The following FRMPD4 variants were observed in gnomAD, a reference collection of about 807,000 sequenced individuals.
The protein encoded by FRMPD4 is FERM and PDZ domain containing 4.
Under a neutral mutation model 94.1 loss-of-function variants are expected in FRMPD4, and 22 were observed. The observed-to-expected ratio is 0.23, with a 90% CI of 0.17 to 0.33. FRMPD4 has a LOEUF of 0.33. FRMPD4 is among the 10% of genes least tolerant of loss of function. FRMPD4 has a pLI of 1.00. For missense variants in FRMPD4, 1,111 were observed against 1,339.9 expected (o/e 0.83, Z 2.67); for synonymous variants, 631 against 548.6 (o/e 1.15, Z -2.10).
chrX:11,843,999 T>C (rs972549519), intron 1 of FRMPD4, among the ~76,000 whole-genome samples: 28 of 91,777 alleles, frequency 3.1e-4, no homozygotes, highest in African/African-American at 1.8e-4. Flanking sequence ...TTTTTTTTTT[T>C]TGAGACAGTG....
intron 4 of FRMPD4, among the ~76,000 whole-genome samples, chrX:12,668,442 A>C (rs2059802033): frequency 9.0e-6 from 1 of 111,342 alleles, no homozygotes; most frequent in Admixed American, 9.6e-5. Context: ...GATAATTTAC[A>C]AAGCATTACT....
chrX:12,502,237 T>C (rs760877053), intron 2 of FRMPD4, among the ~76,000 whole-genome samples: 2 of 112,556 alleles, frequency 1.8e-5, no homozygotes, highest in Non-Finnish European at 3.8e-5. Flanking sequence ...TTTTTCTGGA[T>C]GGTAGAACTG....
intron 3 of FRMPD4, among the ~76,000 whole-genome samples, chrX:11,879,795 G>A (rs2053803816): frequency 8.9e-6 from 1 of 111,986 alleles, no homozygotes; most frequent in South Asian, 3.8e-4. Context: ...AATGGGCAGG[G>A]ATAATTATCA....
At chrX:12,208,317 A>AT (rs374782761) in intron 1 of FRMPD4, among the ~76,000 whole-genome samples, 1 of 111,255 alleles carries the variant, frequency 9.0e-6, no homozygotes, top group Admixed American at 9.6e-5. Context: ...GAAAAAAAAA[A>AT]GTCAATAGCT....
chrX:11,846,115 G>T (rs1435815441), intron 1 of FRMPD4, among the ~76,000 whole-genome samples: 2 of 109,380 alleles, frequency 1.8e-5, no homozygotes, highest in Non-Finnish European at 3.8e-5. Context: ...TGACATGATT[G>T]TATATCTAGA....
At chrX:11,874,425 C>T (rs191443444) in intron 2 of FRMPD4, among the ~76,000 whole-genome samples, 129 of 112,574 alleles carry the variant, frequency 1.1e-3, no homozygotes, top group Admixed American at 2.2e-3. Context: ...GCTGGGATTT[C>T]AGGCGTAAGC....
chrX:12,480,314 T>A (rs1771305551), intron 1 of FRMPD4, among the ~76,000 whole-genome samples: 1 of 39,634 alleles, frequency 2.5e-5, no homozygotes, highest in African/African-American at 1.2e-4. Flanking sequence ...AGGCAGACAC[T>A]ACAGAAATGA....
chrX:12,141,398 C>G (rs907358496), intron 1 of FRMPD4, among the ~76,000 whole-genome samples: 2 of 112,013 alleles, frequency 1.8e-5, no homozygotes, highest in Non-Finnish European at 3.8e-5. Context: ...AGTGTCCTAT[C>G]TGTGAGTAAA....
At chrX:11,920,459 C>T (rs1222356014) in intron 3 of FRMPD4, among the ~76,000 whole-genome samples, 1 of 111,684 alleles carries the variant, frequency 9.0e-6, no homozygotes, top group East Asian at 2.8e-4. Flanking sequence ...GGTCATTAGT[C>T]CTGTAAGATG....
intron 1 of FRMPD4, among the ~76,000 whole-genome samples, chrX:12,282,515 A>T (rs1380947401): frequency 8.9e-6 from 1 of 112,222 alleles, no homozygotes; most frequent in African/African-American, 3.2e-5. Context: ...GGCCCACAGA[A>T]GGTATCCTGT....
intron 3 of FRMPD4, among the ~76,000 whole-genome samples, chrX:11,883,126 A>G (rs2053823314): frequency 8.9e-6 from 1 of 112,194 alleles, no homozygotes; most frequent in African/African-American, 3.2e-5. Flanking sequence ...TTAGGGGCCA[A>G]ATGAGCTGAG....
At chrX:12,313,708 T>C (rs2055070182) in intron 1 of FRMPD4, among the ~76,000 whole-genome samples, 1 of 111,961 alleles carries the variant, frequency 8.9e-6, no homozygotes, top group African/African-American at 3.2e-5. Flanking sequence ...TTTTCCCCAT[T>C]TCATTCATTT....
intron 1 of FRMPD4, among the ~76,000 whole-genome samples, chrX:12,296,079 G>GC (rs1383709074): frequency 9.1e-6 from 1 of 110,313 alleles, no homozygotes; most frequent in African/African-American, 3.3e-5. Flanking sequence ...CCTGTAGTGT[G>GC]CCCCCGCTTC....
At chrX:12,543,945 A>G (rs2058445808) in intron 2 of FRMPD4, among the ~76,000 whole-genome samples, 1 of 110,427 alleles carries the variant, frequency 9.1e-6, no homozygotes, top group African/African-American at 3.3e-5. Context: ...AGGGACATGG[A>G]TGAAGCTGGA....
At chrX:12,601,558 C>T (rs911062037) in intron 2 of FRMPD4, among the ~76,000 whole-genome samples, 4 of 111,732 alleles carry the variant, frequency 3.6e-5, no homozygotes, top group African/African-American at 1.3e-4. Flanking sequence ...ATCTTCGTTC[C>T]AACAAAGATG....
intron 5 of FRMPD4, among the ~76,000 whole-genome samples, chrX:12,679,788 G>T (rs1296208928): frequency 1.8e-5 from 2 of 111,953 alleles, no homozygotes; most frequent in Non-Finnish European, 3.8e-5. Context: ...GTTCCCAGCA[G>T]GAGTAAGCTC....
In FRMPD4 at chrX:11,845,985, T is replaced by C. The variant is rs1230115817; in HGVS notation, c.-160-19101T>C. Among the ~76,000 whole-genome samples the C allele has an allele frequency of 8.7e-5, 9 of 103,403 alleles. No homozygotes were observed. In the East Asian group the frequency reaches 2.8e-3, roughly 32 times the overall value. The allele number at this position is 103,403 out of a possible 115,157, so 89.8% of individuals were successfully genotyped here. A position where few individuals can be genotyped will look rare whatever the true frequency, so the allele number is the denominator to read the frequency against. On this transcript the variant is annotated intron_variant, in intron 1 of 18. Coordinates refer to the FRMPD4 transcript ENST00000640291. ...AAACTGGCACAAGACAGGGATGCCC[T>C]CTCTCACCACTCCTATTCAACATAG...
intron 1 of FRMPD4, among the ~76,000 whole-genome samples, chrX:12,460,649 T>C (rs764434270): frequency 8.9e-6 from 1 of 112,230 alleles, no homozygotes; most frequent in African/African-American, 3.2e-5. Context: ...TTGAAAGAGC[T>C]GTTGTTATTT....
intron 3 of FRMPD4, among the ~76,000 whole-genome samples, chrX:11,977,346 T>C (rs989045861): frequency 1.8e-4 from 20 of 112,574 alleles, no homozygotes; most frequent in African/African-American, 6.4e-4. Flanking sequence ...CTGATGCCAT[T>C]GGGACTTTGT....
Sources: allele counts gnomAD v4.1 joint callset (sites outside exome capture counted in the v4.1 genomes callset), GRCh38; gene constraint gnomAD v4.1.1; transcripts MANE v1.5; gene names NCBI Gene and HGNC (gene_info 2026-07-23, HGNC 2026-07-21).